Variants in DGKB observed in about 807,000 individuals in gnomAD.
DGKB encodes diacylglycerol kinase beta.
Under a neutral mutation model 114.3 loss-of-function variants are expected in DGKB, and 67 were observed. The observed-to-expected ratio is 0.59, with a 90% CI of 0.48 to 0.72. The LOEUF (loss-of-function observed/expected upper bound fraction) is 0.72, where lower values mean the gene tolerates loss of function less well. Ranked by LOEUF, DGKB falls within the 30% of genes least tolerant of loss-of-function variation. The pLI, the probability that DGKB is intolerant of heterozygous loss-of-function variation, is 0.00. For missense variants in DGKB, 907 were observed against 975.2 expected, an observed-to-expected ratio of 0.93 and a Z score of 0.93; for synonymous variants, 398 against 323.1, an observed-to-expected ratio of 1.23 and a Z score of -2.49.
chr7:14,798,153 T>A (rs977692057), intron 2 of DGKB, among the ~76,000 whole-genome samples: 1 of 151,710 alleles, frequency 6.6e-6, no homozygotes, highest in African/African-American at 2.4e-5. Context: ...CAAGAGAGAG[T>A]GGGTACGATG....
At chr7:14,539,123 G>C (rs1793002630) in intron 20 of DGKB, among the ~76,000 whole-genome samples, 1 of 152,052 alleles carries the variant, frequency 6.6e-6, no homozygotes, top group Non-Finnish European at 1.5e-5. Flanking sequence ...AAATTGATCA[G>C]AGTAGATATC....
At chr7:14,535,727 A>T (rs1013931443) in intron 20 of DGKB, among the ~76,000 whole-genome samples, 19 of 152,188 alleles carry the variant, frequency 1.2e-4, no homozygotes, top group African/African-American at 4.6e-4. Flanking sequence ...AACTGGGATT[A>T]CAGGCACCCG....
At chr7:14,888,044 G>A (rs1473153652) in intron 1 of DGKB, among the ~76,000 whole-genome samples, 1 of 151,636 alleles carries the variant, frequency 6.6e-6, no homozygotes. Context: ...AATAATATCA[G>A]GGTAGTGCAA....
intron 21 of DGKB, among the ~76,000 whole-genome samples, chr7:14,443,067 G>A (rs1830281537): frequency 6.6e-6 from 1 of 152,014 alleles, no homozygotes; most frequent in South Asian, 2.1e-4. Context: ...TTTTATAACT[G>A]TCTAGTTTAC....
chr7:14,695,835 T>A (rs1324332072), intron 8 of DGKB, among the ~76,000 whole-genome samples: 2 of 151,980 alleles, frequency 1.3e-5, no homozygotes, highest in South Asian at 2.1e-4. Context: ...TATGCAAACC[T>A]ATGAGAAGCC....
At chr7:14,590,822 T>A (rs1014833686) in intron 17 of DGKB, among the ~76,000 whole-genome samples, 2 of 152,270 alleles carry the variant, frequency 1.3e-5, no homozygotes, top group East Asian at 3.9e-4. Context: ...ATGTTATTAC[T>A]GATTTAATTA....
chr7:14,604,007 T>C (rs373266758), intron 17 of DGKB, among the ~76,000 whole-genome samples: 3 of 152,270 alleles, frequency 2.0e-5, no homozygotes, highest in East Asian at 3.9e-4. Context: ...CTTATTTTAA[T>C]GTAGTGAAGG....
At chr7:14,274,718 G>T (rs1307047557) in intron 23 of DGKB, among the ~76,000 whole-genome samples, 1 of 152,068 alleles carries the variant, frequency 6.6e-6, no homozygotes, top group Non-Finnish European at 1.5e-5. Flanking sequence ...TTGTTGGTTT[G>T]CGTACACTTT....
At chr7:14,189,837 T>A (rs2128268900) in intron 23 of DGKB, among the ~76,000 whole-genome samples, 1 of 152,128 alleles carries the variant, frequency 6.6e-6, no homozygotes, top group African/African-American at 2.4e-5. Flanking sequence ...GAGAAAGGGA[T>A]CAATTCAACA....
chr7:14,315,010 G>T (rs931691257), intron 23 of DGKB, among the ~76,000 whole-genome samples: 4 of 151,904 alleles, frequency 2.6e-5, no homozygotes, highest in African/African-American at 9.7e-5. Context: ...TTTCAACCCA[G>T]AATTTCATAT....
chr7:14,511,861 C>G (rs1788024490), intron 20 of DGKB, among the ~76,000 whole-genome samples: 1 of 151,938 alleles, frequency 6.6e-6, no homozygotes, highest in Non-Finnish European at 1.5e-5. Flanking sequence ...GAAGGCGAAA[C>G]AGAGGAATGG....
chr7:14,355,203 A>G (rs1396058873), intron 21 of DGKB, among the ~76,000 whole-genome samples: 2 of 149,422 alleles, frequency 1.3e-5, no homozygotes, highest in Admixed American at 6.7e-5. Flanking sequence ...AGTGGTCTTT[A>G]TTGAATCCAT....
chr7:14,390,223 C>T (rs182782972), intron 21 of DGKB, among the ~76,000 whole-genome samples: 1 of 152,256 alleles, frequency 6.6e-6, no homozygotes, highest in East Asian at 1.9e-4. Context: ...TATTTAAATA[C>T]TCCTGTGATT....
intron 1 of DGKB, among the ~76,000 whole-genome samples, chr7:14,926,268 C>A (rs1347397171): frequency 6.6e-6 from 1 of 151,934 alleles, no homozygotes; most frequent in East Asian, 1.9e-4. Flanking sequence ...AAATTCTTGT[C>A]AGACAACCAC....
At chr7:14,815,263 G>GCATCC (rs1562607893) in intron 2 of DGKB, 2 of 152,182 alleles carry the variant, frequency 1.3e-5, no homozygotes, top group Non-Finnish European at 2.9e-5. Flanking sequence ...TGCATCCAGC[G>GCATCC]CATCCCATTC....
intron 1 of DGKB, among the ~76,000 whole-genome samples, chr7:14,960,310 A>C (rs1407806804): frequency 5.9e-5 from 9 of 152,070 alleles, no homozygotes. Context: ...CTATTTAAAA[A>C]AGCAAAATCT....
intron 21 of DGKB, among the ~76,000 whole-genome samples, chr7:14,349,050 G>T (rs570987594): frequency 6.6e-6 from 1 of 152,094 alleles, no homozygotes; most frequent in East Asian, 1.9e-4. Context: ...AAACAAATCT[G>T]GCAGAAACAT....
At chr7:14,475,996 A>G (rs1782107828) in intron 21 of DGKB, among the ~76,000 whole-genome samples, 1 of 152,080 alleles carries the variant, frequency 6.6e-6, no homozygotes, top group Non-Finnish European at 1.5e-5. Context: ...GCACATAAAT[A>G]TATTGATATA....
At chr7:14,617,648 T>C (rs1051790403) in intron 15 of DGKB, among the ~76,000 whole-genome samples, 1 of 151,686 alleles carries the variant, frequency 6.6e-6, no homozygotes, top group African/African-American at 2.4e-5. Context: ...AGTCAGTCTT[T>C]ATTGAAGCCT....
Sources: gnomAD v4.1 joint callset for allele counts (sites outside exome capture counted in the v4.1 genomes callset) on GRCh38, gnomAD v4.1.1 for gene constraint, MANE v1.5 for transcripts, NCBI Gene and HGNC (gene_info 2026-07-23, HGNC 2026-07-21) for gene names.